CLEC1B: variants seen among roughly 807,000 people sequenced by gnomAD.
CLEC1B encodes the protein C-type lectin-like receptor 2.
A neutral mutation model predicts 26.7 loss-of-function variants in CLEC1B; 26 were observed. That is an observed-to-expected ratio of 0.97 (90% CI 0.71 to 1.35). CLEC1B has a LOEUF of 1.35. Among genes scored for constraint, CLEC1B ranks in the 40% most tolerant of loss-of-function variants. The pLI, the probability that CLEC1B is intolerant of heterozygous loss-of-function variation, is 0.00. For missense variants in CLEC1B, 293 were observed against 282.6 expected (o/e 1.04, Z -0.26); for synonymous variants, 112 against 96.0 (o/e 1.17, Z -0.97).
chr12:9,997,418 G>A, intron 2 of CLEC1B, 139 bp from the exon 3 acceptor site: 1 of 733,840 alleles, frequency 1.4e-6, no homozygotes, highest in Non-Finnish European at 2.2e-6. Context: ...AATGAATGTT[G>A]AAAAGTGTGG....
upstream of CLEC1B, among the ~76,000 whole-genome samples, chr12:9,999,588 A>G (rs992915725): frequency 4.6e-5 from 7 of 152,220 alleles, no homozygotes; most frequent in Non-Finnish European, 7.3e-5. Context: ...GATAGGGGCT[A>G]AATTAGCTGT....
upstream of CLEC1B, among the ~76,000 whole-genome samples, chr12:10,001,507 C>T (rs1270621723): frequency 6.6e-6 from 1 of 152,196 alleles, no homozygotes; most frequent in Non-Finnish European, 1.5e-5. Context: ...TATACGTTTG[C>T]CTTTCTGTGT....
At chr12:9,999,012 A>C in intron 1 of CLEC1B, 25 bp downstream of exon 1, 6 of 1,372,546 alleles carry the variant, frequency 4.4e-6, no homozygotes, top group Non-Finnish European at 5.1e-6. Flanking sequence ...TTAATTTCCA[A>C]ATTATTGGCT....
Position 9,998,366 on chromosome 12 carries a change from A to C in CLEC1B, c.79T>G (p.Ser27Ala). ...AAAGCCATCACACGCCACCAGGAGG[A>C]GGATGCAGAGCCAACTGTAGGCATA... ...PALISVGSASSSWWRVMALIL... is the reference protein window; with the variant it reads ...PALISVGSASASWWRVMALIL... The change falls in exon 2 of 6, where the codon TCC (serine) becomes GCC (alanine). Residue 27 changes from serine (S) to alanine (A), a missense_variant. Coordinates refer to ENST00000298527, the MANE Select transcript of CLEC1B (RefSeq NM_016509.4). The C allele has an allele frequency of 5.6e-6, 9 of 1,613,820 alleles. No individual in the cohort carries two copies. The highest frequency in any genetic ancestry group is 6.8e-6 in the Non-Finnish European group (8 of 1,179,742).
At chr12:10,000,422 G>A (rs957246155), upstream of CLEC1B, among the ~76,000 whole-genome samples, 5 of 151,786 alleles carry the variant, frequency 3.3e-5, no homozygotes, top group Admixed American at 6.6e-5. Context: ...AGCATAACAC[G>A]TATAAAAGAC....
In CLEC1B at chr12:9,998,225, C is replaced by T. The variant is rs1865098252; in HGVS notation, c.163+57G>A. The T allele has an allele frequency of 2.3e-6, 3 of 1,313,572 alleles. 1 individual carries two copies. The African/African-American group carries it at 4.3e-5, about 19-fold the overall frequency. The allele number at this position is 1,313,572 out of a possible 1,614,324, so 81.4% of individuals were successfully genotyped here. On this transcript the variant is annotated intron_variant, in intron 2 of 5. Coordinates refer to ENST00000298527, the MANE Select transcript of CLEC1B (RefSeq NM_016509.4). Reference sequence around the variant, plus strand: ...CATTGAGAAGCTTAGTGGGATATGCCATGACCCTTCAGTATTACCTTCCTC... The same window carrying T: ...CATTGAGAAGCTTAGTGGGATATGCTATGACCCTTCAGTATTACCTTCCTC...
intron 5 of CLEC1B, among the ~76,000 whole-genome samples, chr12:9,994,646 A>G (rs981109471): frequency 3.3e-5 from 5 of 152,128 alleles, no homozygotes; most frequent in Non-Finnish European, 7.4e-5. Context: ...ATCTTGTGAA[A>G]TACAATGTAT....
chr12:9,998,545 A>C (rs1223258279), intron 1 of CLEC1B, among the ~76,000 whole-genome samples, 165 bp from the exon 2 acceptor site: 1 of 130,334 alleles, frequency 7.7e-6, no homozygotes, highest in Non-Finnish European at 1.7e-5. Flanking sequence ...AACAATAGGC[A>C]TGGCCCACCC....
rs762646083 is a variant in CLEC1B, at chr12:9,996,992, T to G, written c.292A>C (p.Lys98Gln). 1.2e-6 allele frequency: 2 copies of G among 1,613,890 alleles called. No homozygotes were observed. The highest frequency in any genetic ancestry group is 1.7e-6 in the Non-Finnish European group (2 of 1,179,946). The change falls in exon 4 of 6, where the codon AAA becomes CAA. Residue 98 changes from lysine to glutamine, a missense_variant. Transcript: ENST00000298527. Reference sequence around the variant, plus strand: ...CAGTTTGTGTCACAGGGGCTGCATTTATGACCTTCTGGAGAAACCAAGCAC... The same window carrying G: ...CAGTTTGTGTCACAGGGGCTGCATTGATGACCTTCTGGAGAAACCAAGCAC... ...SELKGTFKGH[K>Q]CSPCDTNWRY... is the part of the protein sequence containing the mutation.
Position 9,998,359 on chromosome 12 carries a change from C to G in CLEC1B, c.86G>C (p.Trp29Ser), listed in dbSNP as rs762537821. 2.8e-5 allele frequency: 45 copies of G among 1,613,752 alleles called. No individual in the cohort carries two copies. Among genetic ancestry groups the G allele is most frequent in the Non-Finnish European group, 3.4e-5 (40 of 1,179,846 alleles). Residue 29 changes from tryptophan to serine, a missense_variant, in exon 2 of 6, where the codon TGG becomes TCG. Physicochemically the swap from Trp to Ser is radical, Grantham distance 177. Coordinates refer to ENST00000298527, the MANE Select transcript of CLEC1B (RefSeq NM_016509.4). ...LISVGSASSS[W>S]WRVMALILLI... ...CAGAATCAAAGCCATCACACGCCAC[C>G]AGGAGGAGGATGCAGAGCCAACTGT...
intron 4 of CLEC1B, among the ~76,000 whole-genome samples, chr12:9,996,350 G>T (rs1446577670): frequency 2.0e-5 from 3 of 152,052 alleles, no homozygotes; most frequent in Non-Finnish European, 4.4e-5. Flanking sequence ...CTTCAACCTG[G>T]CATCTGCCTA....
Position 9,998,490 on chromosome 12 carries a change from A to G in CLEC1B, c.65-110T>C, listed in dbSNP as rs1040978538. ...TCTCAGGGTCCTCCAAGTAATAGAA[A>G]GAGCTTTGCTGGCAGATCTCACCTG... is the stretch of plus-strand genomic sequence containing the variant. On this transcript the variant is annotated intron_variant, in intron 1 of 5. Coordinates refer to ENST00000298527, the MANE Select transcript of CLEC1B (RefSeq NM_016509.4). 4.1e-5 allele frequency: 29 copies of G among 706,824 alleles called. No homozygotes were observed. In the South Asian group the frequency reaches 4.2e-4, roughly 10 times the overall value. 43.8% of individuals were successfully genotyped at this position (706,824 alleles called of 1,614,324 possible).
At chr12:9,994,711 C>G (rs151198877) in intron 5 of CLEC1B, among the ~76,000 whole-genome samples, 133 of 152,136 alleles carry the variant, frequency 8.7e-4, no homozygotes, top group Non-Finnish European at 1.6e-3. Context: ...ATTGAAAACT[C>G]AAAAGGACTC....
chr12:9,995,220 TA>T lies in CLEC1B; in HGVS notation c.464del (p.Leu155Ter). 1 of 1,613,022 alleles carries T rather than the reference TA, an allele frequency of 6.2e-7. No homozygotes were observed. Among genetic ancestry groups the T allele is most frequent in the African/African-American group, 1.3e-5 (1 of 74,980 alleles). ...IVEYIKARTHLIRWVGLSRQK... is the reference protein window; with the variant it reads ...IVEYIKARTHXIRWVGLSRQK... ...GGCGAGATAATCCGACCCAACGAAT[TA>T]AATGAGTCCTGGCTTTGATGTACTC... On this transcript the variant is annotated frameshift_variant, in exon 5 of 6. Coordinates refer to ENST00000298527, the MANE Select transcript of CLEC1B (RefSeq NM_016509.4). LOFTEE classifies it high-confidence loss of function.
Position 9,995,284 on chromosome 12 carries a change from C to T in CLEC1B, c.439-38G>A, listed in dbSNP as rs1029858096. 3 of 1,521,316 alleles carry T rather than the reference C, an allele frequency of 2.0e-6. No individual in the cohort carries two copies. The East Asian group carries it at 6.8e-5, about 34-fold the overall frequency. 94.2% of individuals were successfully genotyped at this position (1,521,316 alleles called of 1,614,324 possible). ...TAAATAAACACAATGGTCAGAATCC[C>T]TCCACAGCTCTTGGTATGATAGACA... On this transcript the variant is annotated intron_variant, in intron 4 of 5. Coordinates refer to ENST00000298527, the MANE Select transcript of CLEC1B (RefSeq NM_016509.4).
At chr12:9,995,560 A>G (rs1865023651) in intron 4 of CLEC1B, 2 of 359,574 alleles carry the variant, frequency 5.6e-6, no homozygotes, top group Non-Finnish European at 5.4e-6. Context: ...ATATGATTCA[A>G]AGGAATAAAT....
intron 5 of CLEC1B, among the ~76,000 whole-genome samples, chr12:9,994,550 T>C (rs1864983847): frequency 6.6e-6 from 1 of 152,094 alleles, no homozygotes; most frequent in African/African-American, 2.4e-5. Flanking sequence ...GAAAGCCATA[T>C]AGGAAGCAAC....
At chr12:10,000,606 G>A (rs140420764), upstream of CLEC1B, among the ~76,000 whole-genome samples, 626 of 152,266 alleles carry the variant, frequency 4.1e-3, 1 homozygote, top group African/African-American at 0.013. Flanking sequence ...TCTTATCTCA[G>A]TTAAAATATT....
intron 1 of CLEC1B, among the ~76,000 whole-genome samples, 199 bp downstream of exon 1, chr12:9,998,838 C>T (rs1179459809): frequency 6.6e-6 from 1 of 152,012 alleles, no homozygotes; most frequent in African/African-American, 2.4e-5. Context: ...TGCAATTTTC[C>T]CTGCACATAT....
Sources: gnomAD v4.1 joint callset for allele counts (sites outside exome capture counted in the v4.1 genomes callset) on GRCh38, gnomAD v4.1.1 for gene constraint, MANE v1.5 for transcripts, NCBI Gene and HGNC (gene_info 2026-07-23, HGNC 2026-07-21) for gene names.